FBN3: variants seen among roughly 807,000 people sequenced by gnomAD.
The protein encoded by FBN3 is fibrillin 3.
Under a neutral mutation model 330.1 loss-of-function variants are expected in FBN3, and 234 were observed. The observed-to-expected ratio is 0.71, with a 90% CI of 0.64 to 0.79. The LOEUF is 0.79. FBN3 is among the 30% of genes least tolerant of loss of function. The pLI is 0.00. For missense variants in FBN3, 3,606 were observed against 3,886.9 expected (o/e 0.93, Z 1.92); for synonymous variants, 1,458 against 1,517.3 (o/e 0.96, Z 0.91).
rs372427726 is a variant in FBN3, at chr19:8,131,220, C to A, written c.2044+15G>T. 2.8e-5 allele frequency: 45 copies of A among 1,603,968 alleles called. No individual in the cohort carries two copies. Among genetic ancestry groups the A allele is most frequent in the Non-Finnish European group, 3.7e-5 (44 of 1,176,692 alleles). On this transcript the variant is annotated intron_variant, in intron 16 of 63. Transcript: ENST00000600128. The surrounding 1 kb of genome is among the most constrained non-coding windows in gnomAD (Gnocchi z 4.5). Reference sequence around the variant, plus strand: ...GCAGGCTGGCTGCTGTTTGGAGGGGCTGGGCTCCACTTACCTCGACCATCC... The same window carrying A: ...GCAGGCTGGCTGCTGTTTGGAGGGGATGGGCTCCACTTACCTCGACCATCC...
At chr19:8,128,333 G>A (rs1007055544) in intron 18 of FBN3, among the ~76,000 whole-genome samples, 4 of 152,202 alleles carry the variant, frequency 2.6e-5, no homozygotes, top group Non-Finnish European at 5.9e-5. Flanking sequence ...GGAGGCTGAA[G>A]CAGGTGGATC....
intron 50 of FBN3, 56 bp downstream of exon 50, chr19:8,089,837 CG>C (rs2082052874): frequency 1.3e-6 from 2 of 1,546,748 alleles, no homozygotes; most frequent in Non-Finnish European, 1.8e-6. Context: ...CCAGGCAGTG[CG>C]GAGATGGATC....
chr19:8,093,632 A>G (rs1272098224), intron 47 of FBN3, among the ~76,000 whole-genome samples: 2 of 152,194 alleles, frequency 1.3e-5, no homozygotes, highest in East Asian at 3.9e-4. Context: ...CAAAAAAAAT[A>G]AACAATTAGC....
chr19:8,071,797 C>T (rs2081517980), intron 63 of FBN3, among the ~76,000 whole-genome samples: 2 of 152,094 alleles, frequency 1.3e-5, no homozygotes, highest in East Asian at 1.9e-4. Context: ...TGGAAGACGC[C>T]TGACTTGTCA....
intron 30 of FBN3, among the ~76,000 whole-genome samples, chr19:8,112,817 T>A (rs1369556126): frequency 2.0e-5 from 3 of 152,204 alleles, no homozygotes; most frequent in Non-Finnish European, 4.4e-5. Context: ...TTACTAAACA[T>A]TTCTTTCCCA....
Position 8,136,470 on chromosome 19 carries a change from A to C in FBN3, c.1263T>G (p.Asn421Lys). 1.2e-6 allele frequency: 2 copies of C among 1,614,188 alleles called. No homozygotes were observed. Among genetic ancestry groups the C allele is most frequent in the South Asian group, 2.2e-5 (2 of 91,086 alleles). ...ICRHFTNLCLNGRCLPTPSSY... is the reference protein window; with the variant it reads ...ICRHFTNLCLKGRCLPTPSSY... ...TGGAAGGCGTGGGCAGGCAGCGGCC[A>C]TTCAGACACAGGTTGGTGAAGTGTC... Residue 421 changes from asparagine (N) to lysine (K), a missense_variant, in exon 11 of 64, where the codon AAT (asparagine) becomes AAG (lysine). Transcript: ENST00000600128.
chr19:8,115,595 T>A lies in FBN3; in HGVS notation c.3758A>T (p.Asp1253Val), dbSNP rs2082688235. ...AAAGGAACCCTTCGTGTTCTCGCAG[T>A]CCCCATGGAGGCAGATGTGAGGGTT... is the stretch of plus-strand genomic sequence containing the variant. The part of the protein sequence containing the change: ...DLNPHICLHG[D>V]CENTKGSFVC... Residue 1253 changes from aspartate to valine, a missense_variant, in exon 30 of 64, where the codon GAC (aspartate) becomes GTC (valine). Physicochemically the swap from Asp to Val is radical, Grantham distance 152. Transcript: ENST00000600128. 1 of 1,613,952 alleles carries A rather than the reference T, an allele frequency of 6.2e-7. No individual in the cohort carries two copies. The highest frequency in any genetic ancestry group is 1.1e-5 in the South Asian group (1 of 91,052).
chr19:8,126,103 G>C, intron 21 of FBN3, 86 bp from the exon 22 acceptor site: 7 of 1,584,306 alleles, frequency 4.4e-6, no homozygotes, highest in Middle Eastern at 1.7e-4. Flanking sequence ...AGTTGTCCTT[G>C]AGGAGGAAGG....
intron 48 of FBN3, among the ~76,000 whole-genome samples, chr19:8,091,026 G>A (rs781050437): frequency 5.9e-5 from 9 of 152,192 alleles, no homozygotes; most frequent in Non-Finnish European, 1.3e-4. Context: ...GCAAATATTC[G>A]CTGAGGTGAA....
At position 8,081,612 on chromosome 19, in the gene FBN3, C is replaced by T. The variant is rs960236671; in HGVS notation, c.7214-132G>A. The T allele has an allele frequency of 3.8e-6, 4 of 1,058,016 alleles. No individual in the cohort carries two copies. The South Asian group carries it at 8.0e-5, about 21-fold the overall frequency. 65.5% of individuals were successfully genotyped at this position (1,058,016 alleles called of 1,614,324 possible). ...CTTACACAGGAATGAACACTTCTTTCTGCAAAAAGCCAGGTGGGAAATACA... is the reference window on the plus strand; with the variant it reads ...CTTACACAGGAATGAACACTTCTTTTTGCAAAAAGCCAGGTGGGAAATACA... On this transcript the variant is annotated intron_variant, in intron 57 of 63. Coordinates refer to ENST00000600128, the MANE Select transcript of FBN3 (RefSeq NM_032447.5).
chr19:8,094,825 AC>A (rs2082176092), intron 46 of FBN3, among the ~76,000 whole-genome samples: 1 of 152,208 alleles, frequency 6.6e-6, no homozygotes, highest in Non-Finnish European at 1.5e-5. Context: ...CTAATCTGGC[AC>A]CACCAGCAGA....
chr19:8,082,251 G>C (rs185344342), intron 57 of FBN3, among the ~76,000 whole-genome samples: 1 of 151,812 alleles, frequency 6.6e-6, no homozygotes, highest in African/African-American at 2.4e-5. Context: ...GATTACAGGC[G>C]TGAGCCACCT....
chr19:8,141,631 C>A (rs1412423124), intron 8 of FBN3, 86 bp downstream of exon 8: 8 of 1,477,802 alleles, frequency 5.4e-6, no homozygotes, highest in Non-Finnish European at 7.3e-6. Context: ...CCAGCCTGAC[C>A]CCTCTGCCTT....
chr19:8,085,137 C>T (rs1271899694), intron 56 of FBN3, among the ~76,000 whole-genome samples: 1 of 152,088 alleles, frequency 6.6e-6, no homozygotes, highest in Non-Finnish European at 1.5e-5. Context: ...CACACATTGG[C>T]TCACACAACT....
At chr19:8,139,215 C>T (rs538532590) in intron 8 of FBN3, among the ~76,000 whole-genome samples, 7 of 151,938 alleles carry the variant, frequency 4.6e-5, no homozygotes, top group Admixed American at 2.6e-4. Context: ...GGTGCGGTGG[C>T]GCACACCTGT....
At position 8,126,742 on chromosome 19, in the gene FBN3, C is replaced by T. The variant is rs199686298; in HGVS notation, c.2387G>A (p.Arg796Gln). The T allele has an allele frequency of 6.5e-5, 103 of 1,589,026 alleles. No individual in the cohort carries two copies. The East Asian group carries it at 1.9e-3, about 30-fold the overall frequency. Residue 796 changes from arginine to glutamine, a missense_variant, in exon 19 of 64, where the codon CGG (arginine) becomes CAG (glutamine). Coordinates refer to ENST00000600128, the MANE Select transcript of FBN3 (RefSeq NM_032447.5). ...SYTCKCGPGS[R>Q]LDPSGTFCLD... Reference sequence around the variant, plus strand: ...ACAGAAGGTACCAGAGGGGTCCAGCCGGCTGCCAGGGCCACATTTGCAGGT... The same window carrying T: ...ACAGAAGGTACCAGAGGGGTCCAGCTGGCTGCCAGGGCCACATTTGCAGGT...
chr19:8,132,772 G>C (rs528324402), intron 14 of FBN3, among the ~76,000 whole-genome samples: 1 of 152,176 alleles, frequency 6.6e-6, no homozygotes, highest in Non-Finnish European at 1.5e-5. Context: ...GACTACAGGC[G>C]TGAGCCACGG....
chr19:8,120,476 TCTTC>T (rs139010928), intron 25 of FBN3, among the ~76,000 whole-genome samples: 236 of 149,906 alleles, frequency 1.6e-3, no homozygotes, highest in African/African-American at 5.3e-3. Flanking sequence ...GGCTTTTTCC[TCTTC>T]CTTCCTTCCT....
chr19:8,094,472 A>G lies in FBN3; in HGVS notation c.5879T>C (p.Phe1960Ser). The G allele has an allele frequency of 1.2e-6, 2 of 1,613,782 alleles. No individual in the cohort carries two copies. Among genetic ancestry groups the G allele is most frequent in the South Asian group, 1.1e-5 (1 of 91,014 alleles). The part of the protein sequence containing the change: ...GSFRCICPPG[F>S]QVQSDHCIDI... Reference sequence around the variant, plus strand: ...AATGCAGTGGTCACTCTGCACCTGGAAGCCAGGGGGACAGATGCAGCGGAA... The same window carrying G: ...AATGCAGTGGTCACTCTGCACCTGGGAGCCAGGGGGACAGATGCAGCGGAA... Residue 1960 changes from phenylalanine (F) to serine (S), a missense_variant, in exon 47 of 64, where the codon TTC becomes TCC. Phe to Ser is a radical substitution (Grantham distance 155). Coordinates refer to ENST00000600128, the MANE Select transcript of FBN3 (RefSeq NM_032447.5).
Sources: allele counts gnomAD v4.1 joint callset (sites outside exome capture counted in the v4.1 genomes callset), GRCh38; gene constraint gnomAD v4.1.1; non-coding constraint Gnocchi (gnomAD v3.1); transcripts MANE v1.5; gene names NCBI Gene and HGNC (gene_info 2026-07-23, HGNC 2026-07-21).